ROCK2: variants seen among roughly 807,000 people sequenced by gnomAD.
The protein encoded by ROCK2 is rho-associated protein kinase 2.
ROCK2 carries 61 observed loss-of-function variants against 195.1 expected under a neutral mutation model. That is an observed-to-expected ratio of 0.31 (90% CI 0.25 to 0.39). ROCK2 has a LOEUF of 0.39. ROCK2 is among the 10% of genes least tolerant of loss of function. ROCK2 has a pLI of 1.00. For synonymous variants in ROCK2, 504 were observed against 545.5 expected, an observed-to-expected ratio of 0.92 and a Z score of 1.06; for missense variants, 1,109 against 1,637.4, an observed-to-expected ratio of 0.68 and a Z score of 5.57.
In ROCK2 at chr2:11,192,819, G is replaced by A; in HGVS notation, c.3688-107C>T. On this transcript the variant is annotated intron_variant, in intron 30 of 32. Coordinates refer to ENST00000315872, the MANE Select transcript of ROCK2 (RefSeq NM_004850.5). The surrounding 1 kb of genome is among the most constrained non-coding windows in gnomAD (Gnocchi z 5.0). ...ATAAAATTAGCCTAAATTATTCAAA[G>A]AGAAGAAAATGTATCTGAAGTACAA... 13 of 1,265,662 alleles carry A rather than the reference G, an allele frequency of 1.0e-5. 1 individual carries two copies. Among genetic ancestry groups the A allele is most frequent in the Non-Finnish European group, 1.3e-5 (12 of 935,880 alleles). 78.4% of individuals were successfully genotyped at this position (1,265,662 alleles called of 1,614,324 possible). A position where few individuals can be genotyped will look rare whatever the true frequency, so the allele number is the denominator to read the frequency against.
intron 4 of ROCK2, among the ~76,000 whole-genome samples, chr2:11,246,874 T>C (rs1665635949): frequency 6.6e-6 from 1 of 152,186 alleles, no homozygotes; most frequent in Non-Finnish European, 1.5e-5. Flanking sequence ...AAAAGAAATG[T>C]GTGAACATAT....
At chr2:11,314,947 A>T (rs1668145673) in intron 1 of ROCK2, among the ~76,000 whole-genome samples, 1 of 152,058 alleles carries the variant, frequency 6.6e-6, no homozygotes, top group South Asian at 2.1e-4. Flanking sequence ...TCTTATCCAT[A>T]AGCAAAACCT....
Position 11,182,124 on chromosome 2 carries a change from CTG to C in ROCK2, c.*1311_*1312del, listed in dbSNP as rs1304986025. 6.6e-6 allele frequency: 1 copy of C among 151,922 alleles called. No individual in the cohort carries two copies. Among genetic ancestry groups the C allele is most frequent in the Non-Finnish European group, 1.5e-5 (1 of 67,978 alleles). 9.4% of individuals were successfully genotyped at this position (151,922 alleles called of 1,614,324 possible). ...ATACGGCAAGAATGTCCTGCGTAAA[CTG>C]TAACTTTGACAGCATTTAAAAAATA... is the stretch of plus-strand genomic sequence containing the variant. On this transcript the variant is annotated 3_prime_UTR_variant, in exon 33 of 33. Coordinates refer to ENST00000315872, the MANE Select transcript of ROCK2 (RefSeq NM_004850.5).
chr2:11,256,700 T>C (rs775293074), intron 3 of ROCK2, among the ~76,000 whole-genome samples: 4 of 151,170 alleles, frequency 2.6e-5, no homozygotes, highest in Non-Finnish European at 5.9e-5. Flanking sequence ...ATATAAATAA[T>C]AAAGCAGACT....
chr2:11,217,464 A>G (rs1287852547), intron 11 of ROCK2: 1 of 424,792 alleles, frequency 2.4e-6, no homozygotes, highest in Non-Finnish European at 4.4e-6. Context: ...ATTCATTATA[A>G]AGAATACCAC....
Position 11,221,948 on chromosome 2 carries a change from T to C in ROCK2, c.1099+135A>G, listed in dbSNP as rs1664652967. On this transcript the variant is annotated intron_variant, in intron 8 of 32. Coordinates refer to ENST00000315872, the MANE Select transcript of ROCK2 (RefSeq NM_004850.5). The stretch of plus-strand genomic sequence containing the variant: ...GTTATAAATATTGCCACAGAACAAA[T>C]TTGAAATGAAATTTCTCAATTTAAA... The C allele has an allele frequency of 5.3e-6, 3 of 566,284 alleles. No homozygotes were observed. The Admixed American group carries it at 8.1e-5, about 15-fold the overall frequency. 35.1% of individuals were successfully genotyped at this position (566,284 alleles called of 1,614,324 possible).
At chr2:11,301,416 T>A (rs1667699611) in intron 1 of ROCK2, among the ~76,000 whole-genome samples, 2 of 152,014 alleles carry the variant, frequency 1.3e-5, no homozygotes, top group African/African-American at 4.8e-5. Flanking sequence ...CAAAAAACTG[T>A]TGTGTAAATA....
chr2:11,202,314 G>A (rs1431972696), intron 20 of ROCK2, among the ~76,000 whole-genome samples, 193 bp from the exon 21 acceptor site: 1 of 151,914 alleles, frequency 6.6e-6, no homozygotes, highest in East Asian at 1.9e-4. Context: ...TATACCGTAT[G>A]TACTTTTCCT....
intron 1 of ROCK2, among the ~76,000 whole-genome samples, chr2:11,320,689 A>G (rs1018586538): frequency 2.0e-4 from 31 of 152,360 alleles, no homozygotes; most frequent in African/African-American, 7.0e-4. Flanking sequence ...AAATGAAATG[A>G]TAACTTTCAA....
At chr2:11,204,670 C>T (rs1456204235) in intron 20 of ROCK2, among the ~76,000 whole-genome samples, 1 of 152,150 alleles carries the variant, frequency 6.6e-6, no homozygotes, top group Non-Finnish European at 1.5e-5. Context: ...ACTTTGAACC[C>T]TTCCAACAAA....
intron 1 of ROCK2, among the ~76,000 whole-genome samples, chr2:11,288,282 T>G (rs1277583340): frequency 6.6e-6 from 1 of 152,190 alleles, no homozygotes; most frequent in Non-Finnish European, 1.5e-5. Flanking sequence ...CCATATTTTC[T>G]ACAGTGAACA....
chr2:11,312,288 A>G (rs1221742559), intron 1 of ROCK2, among the ~76,000 whole-genome samples: 3 of 152,138 alleles, frequency 2.0e-5, no homozygotes, highest in Non-Finnish European at 2.9e-5. Context: ...GGTAAAACTG[A>G]CGTACAATAA....
At chr2:11,307,590 G>T (rs984604389) in intron 1 of ROCK2, among the ~76,000 whole-genome samples, 9 of 152,306 alleles carry the variant, frequency 5.9e-5, no homozygotes, top group African/African-American at 2.2e-4. Flanking sequence ...GGTATTACAG[G>T]CGTTAGCCAC....
chr2:11,188,103 ATTTTTTT>A (rs747304783), intron 32 of ROCK2, among the ~76,000 whole-genome samples: 61 of 112,636 alleles, frequency 5.4e-4, no homozygotes, highest in Non-Finnish European at 8.8e-4. Flanking sequence ...CTGGTATATA[ATTTTTTT>A]TTTTTTTTTT....
At chr2:11,310,723 T>C (rs183912542) in intron 1 of ROCK2, among the ~76,000 whole-genome samples, 344 of 152,060 alleles carry the variant, frequency 2.3e-3, no homozygotes, top group African/African-American at 8.1e-3. Flanking sequence ...AAAAGCTCAA[T>C]TGAAGAAAGA....
At chr2:11,223,655 T>G (rs1003518974) in intron 7 of ROCK2, among the ~76,000 whole-genome samples, 1 of 152,182 alleles carries the variant, frequency 6.6e-6, no homozygotes, top group African/African-American at 2.4e-5. Flanking sequence ...ATGTGTAAGT[T>G]TGAACGAGGG....
intron 1 of ROCK2, among the ~76,000 whole-genome samples, chr2:11,343,074 T>C (rs1243202749): frequency 1.3e-5 from 2 of 152,202 alleles, no homozygotes; most frequent in South Asian, 4.1e-4. Context: ...ACCCTAGTTC[T>C]AGTCTTCCAG....
intron 1 of ROCK2, among the ~76,000 whole-genome samples, chr2:11,328,193 C>T (rs1668605309): frequency 6.6e-6 from 1 of 152,052 alleles, no homozygotes; most frequent in African/African-American, 2.4e-5. Context: ...CATCCAAAAC[C>T]CCAATGCGAC....
intron 4 of ROCK2, among the ~76,000 whole-genome samples, chr2:11,242,276 G>A (rs2148116094): frequency 6.6e-6 from 1 of 152,198 alleles, no homozygotes; most frequent in Non-Finnish European, 1.5e-5. Flanking sequence ...AAATTTTACT[G>A]AACACAAAAG....
Sources: allele counts gnomAD v4.1 joint callset (sites outside exome capture counted in the v4.1 genomes callset), GRCh38; gene constraint gnomAD v4.1.1; non-coding constraint Gnocchi (gnomAD v3.1); transcripts MANE v1.5; gene names NCBI Gene and HGNC (gene_info 2026-07-23, HGNC 2026-07-21).